Variants in DMRTA1 observed in about 807,000 individuals in gnomAD.
DMRTA1 encodes DMRT like family A1, also known as doublesex- and mab-3-related transcription factor A1.
A neutral mutation model predicts 35.2 loss-of-function variants in DMRTA1; 34 were observed. That is an observed-to-expected ratio of 0.97 (90% CI 0.74 to 1.29). The LOEUF (loss-of-function observed/expected upper bound fraction) is 1.29. DMRTA1 is among the 50% of genes most tolerant of loss of function. The probability of loss-of-function intolerance (pLI) is 0.00; values close to 1 mark genes in which losing one functional copy is unlikely to be tolerated. For synonymous variants in DMRTA1, 344 were observed against 276.6 expected (o/e 1.24, Z -2.42); for missense variants, 824 against 644.6 (o/e 1.28, Z -3.01).
Position 22,451,671 on chromosome 9 carries a change from C to T in DMRTA1, c.1275C>T (p.Leu425=). 1 of 1,614,120 alleles carries T rather than the reference C, an allele frequency of 6.2e-7. No homozygotes were observed. Among genetic ancestry groups the T allele is most frequent in the Non-Finnish European group, 8.5e-7 (1 of 1,179,954 alleles). Reference sequence around the variant, plus strand: ...CTTCTTATGGAGGTGATTCAAGTCTCTACGGCGTAAATCCTAGAGTAGGTA... The same window carrying T: ...CTTCTTATGGAGGTGATTCAAGTCTTTACGGCGTAAATCCTAGAGTAGGTA... ...TSASYGGDSS[L]YGVNPRVGIS... Residue 425 remains leucine (L), a synonymous_variant, in exon 2 of 2, where the codon CTC becomes CTT. Coordinates refer to ENST00000325870, the MANE Select transcript of DMRTA1 (RefSeq NM_022160.3).
intron 1 of DMRTA1, among the ~76,000 whole-genome samples, chr9:22,448,441 A>G (rs7850506): frequency 0.025 from 3,779 of 152,258 alleles, 166 homozygotes; most frequent in African/African-American, 0.086. Flanking sequence ...AAGAATTTCA[A>G]AGTTCAATAT....
rs759797418 is a variant in DMRTA1, at chr9:22,447,165, G to A, written c.100G>A (p.Ala34Thr). 6 of 1,601,184 alleles carry A rather than the reference G, an allele frequency of 3.7e-6. No homozygotes were observed. The highest frequency in any genetic ancestry group is 5.1e-6 in the Non-Finnish European group (6 of 1,175,280). Residue 34 changes from alanine to threonine, a missense_variant, in exon 1 of 2, where the codon GCG (alanine) becomes ACG (threonine). By Grantham distance (58) the Ala-to-Thr change is moderately conservative. Transcript: ENST00000325870. ...GGCTGCCCCTCCGCCCCCGTCCCCG[G>A]CGTTGCCGGTACCATCGGGGATGCA... ...VVAAPPPPSPALPVPSGMQVP... is the reference protein window; with the variant it reads ...VVAAPPPPSPTLPVPSGMQVP...
intron 1 of DMRTA1, among the ~76,000 whole-genome samples, 176 bp downstream of exon 1, chr9:22,447,908 C>T (rs560612): frequency 0.12 from 18,605 of 151,998 alleles, 1,871 homozygotes; most frequent in African/African-American, 0.28. Context: ...GACCCCATCG[C>T]CTTCACTTTG....
At chr9:22,449,607 G>A (rs1277960696) in intron 1 of DMRTA1, among the ~76,000 whole-genome samples, 1 of 152,118 alleles carries the variant, frequency 6.6e-6, no homozygotes, top group Non-Finnish European at 1.5e-5. Flanking sequence ...TACAAGTAAA[G>A]TGGAATGGAG....
chr9:22,450,495 G>GTT (rs199630332), intron 1 of DMRTA1, among the ~76,000 whole-genome samples: 1 of 151,424 alleles, frequency 6.6e-6, no homozygotes, highest in South Asian at 2.1e-4. Context: ...GAAATGAACA[G>GTT]TTTTTTTTTA....
rs1410784654 is a variant in DMRTA1 at position 22,453,114 on chromosome 9, T to C, written c.*1203T>C. On this transcript the variant is annotated 3_prime_UTR_variant, in exon 2 of 2. Coordinates refer to ENST00000325870, the MANE Select transcript of DMRTA1 (RefSeq NM_022160.3). ...AACAGTTTCTAGGACATTTTCTTTGTATGTCATCATTTTTCTTTTTTGAAG... is the reference window on the plus strand; with the variant it reads ...AACAGTTTCTAGGACATTTTCTTTGCATGTCATCATTTTTCTTTTTTGAAG... 4 of 152,274 alleles carry C rather than the reference T, an allele frequency of 2.6e-5. No homozygotes were observed. In the East Asian group the frequency reaches 7.7e-4, roughly 29 times the overall value. 9.4% of individuals were successfully genotyped at this position (152,274 alleles called of 1,614,324 possible).
In DMRTA1 at chr9:22,451,169, T is replaced by C. The variant is rs1203091475; in HGVS notation, c.773T>C (p.Ile258Thr). The C allele has an allele frequency of 1.4e-5, 22 of 1,614,070 alleles. No homozygotes were observed. The highest frequency in any genetic ancestry group is 1.8e-5 in the Non-Finnish European group (21 of 1,179,956). ...TCATCTTCTAGGTCTAATGGTGTCA[T>C]TGGGAAACAAAGTATCGGGTCATCT... is the stretch of plus-strand genomic sequence containing the variant. ...LGSSSRSNGV[I>T]GKQSIGSSIS... Residue 258 changes from isoleucine to threonine, a missense_variant, in exon 2 of 2, where the codon ATT becomes ACT. By Grantham distance (89) the Ile-to-Thr change is moderately conservative. Transcript: ENST00000325870.
In DMRTA1 at chr9:22,455,096, GAGTA is replaced by G. The variant is rs1473141413; in HGVS notation, c.*3186_*3189del. ...TTTTGCCTATGTGATAGCCTCCTGA[GAGTA>G]GGCAGAAAAGAAAGACATAGAACGC... is the stretch of plus-strand genomic sequence containing the variant. On this transcript the variant is annotated 3_prime_UTR_variant, in exon 2 of 2. Coordinates refer to ENST00000325870, the MANE Select transcript of DMRTA1 (RefSeq NM_022160.3). The G allele has an allele frequency of 1.3e-5, 2 of 152,186 alleles. No individual in the cohort carries two copies. Among genetic ancestry groups the G allele is most frequent in the African/African-American group, 2.4e-5 (1 of 41,446 alleles). The allele number at this position is 152,186 out of a possible 1,614,324, so 9.4% of individuals were successfully genotyped here.
Position 22,451,600 on chromosome 9 carries a change from A to G in DMRTA1, c.1204A>G (p.Thr402Ala), listed in dbSNP as rs767960409. The change falls in exon 2 of 2, where the codon ACT (threonine) becomes GCT (alanine). Residue 402 changes from threonine (T) to alanine (A), a missense_variant. Transcript: ENST00000325870. ...TAGTCTTGCTGGAATTGGTTTTGGA[A>G]CTCTAGGTAATAAATCAGCTTTCTC... Reference protein sequence around the residue: ...SFSLAGIGFGTLGNKSAFSPL... With the variant: ...SFSLAGIGFGALGNKSAFSPL... 65 of 1,613,818 alleles carry G rather than the reference A, an allele frequency of 4.0e-5. No individual in the cohort carries two copies. The highest frequency in any genetic ancestry group is 1.5e-4 in the Admixed American group (9 of 59,980).
Position 22,451,216 on chromosome 9 carries a change from C to T in DMRTA1, c.820C>T (p.Pro274Ser). 1 of 1,614,068 alleles carries T rather than the reference C, an allele frequency of 6.2e-7. No individual in the cohort carries two copies. Among genetic ancestry groups the T allele is most frequent in the Admixed American group, 1.7e-5 (1 of 60,012 alleles). ...ATCTATTTCAGAATACTCCAACAAG[C>T]CTGATAGTATCCTGTCTCCTCATCC... ...GSSISEYSNK[P>S]DSILSPHPGE... The change falls in exon 2 of 2, where the codon CCT becomes TCT. Residue 274 changes from proline (P) to serine (S), a missense_variant. By Grantham distance (74) the Pro-to-Ser change is moderately conservative (BLOSUM62 -1). Transcript: ENST00000325870.
chr9:22,450,147 G>A (rs904736611), intron 1 of DMRTA1, among the ~76,000 whole-genome samples: 5 of 152,102 alleles, frequency 3.3e-5, no homozygotes, highest in African/African-American at 1.2e-4. Context: ...AACATGTTGA[G>A]ATAGAAAAAC....
rs1818928274 is a variant in DMRTA1 at position 22,451,531 on chromosome 9, T to G, written c.1135T>G (p.Ser379Ala). ...HKPDNRNLAN[S>A]EELENTAFQR... ...GCCAGACAACAGGAACCTAGCAAACTCAGAAGAACTGGAAAACACAGCCTT... is the reference window on the plus strand; with the variant it reads ...GCCAGACAACAGGAACCTAGCAAACGCAGAAGAACTGGAAAACACAGCCTT... Residue 379 changes from serine (S) to alanine (A), a missense_variant, in exon 2 of 2, where the codon TCA becomes GCA. Transcript: ENST00000325870. 1 of 1,614,022 alleles carries G rather than the reference T, an allele frequency of 6.2e-7. No individual in the cohort carries two copies. The highest frequency in any genetic ancestry group is 1.3e-5 in the African/African-American group (1 of 74,904).
In DMRTA1 at chr9:22,451,634, A is replaced by G. The variant is rs1464474669; in HGVS notation, c.1238A>G (p.Gln413Arg). 1.2e-6 allele frequency: 2 copies of G among 1,613,970 alleles called. No homozygotes were observed. The highest frequency in any genetic ancestry group is 1.7e-6 in the Non-Finnish European group (2 of 1,179,958). The change falls in exon 2 of 2, where the codon CAA becomes CGA. Residue 413 changes from glutamine to arginine, a missense_variant. Coordinates refer to ENST00000325870, the MANE Select transcript of DMRTA1 (RefSeq NM_022160.3). ...AATAAATCAGCTTTCTCTCCTCTTCAAACTACTTCTGCTTCTTATGGAGGT... is the reference window on the plus strand; with the variant it reads ...AATAAATCAGCTTTCTCTCCTCTTCGAACTACTTCTGCTTCTTATGGAGGT... Reference protein sequence around the residue: ...LGNKSAFSPLQTTSASYGGDS... With the variant: ...LGNKSAFSPLRTTSASYGGDS...
chr9:22,447,485 G>C lies in DMRTA1; in HGVS notation c.420G>C (p.Val140=), dbSNP rs1271234955. 1.9e-6 allele frequency: 3 copies of C among 1,559,462 alleles called. No homozygotes were observed. The African/African-American group carries it at 4.1e-5, about 21-fold the overall frequency. The change falls in exon 1 of 2, where the codon GTG becomes GTC. Residue 140 remains valine, a synonymous_variant. Coordinates refer to ENST00000325870, the MANE Select transcript of DMRTA1 (RefSeq NM_022160.3). ...AERQRVMAAQ[V]ALRRQQAQEE... is the part of the protein sequence containing the mutation. The stretch of plus-strand genomic sequence containing the variant: ...GCCAGCGCGTCATGGCCGCCCAGGT[G>C]GCGCTGCGCAGGCAGCAGGCGCAGG...
chr9:22,449,789 A>G (rs1818898785), intron 1 of DMRTA1, among the ~76,000 whole-genome samples: 1 of 152,124 alleles, frequency 6.6e-6, no homozygotes. Context: ...TCAAAATGCT[A>G]AATTGTATAC....
At chr9:22,448,103 T>G (rs1444963635) in intron 1 of DMRTA1, among the ~76,000 whole-genome samples, 1 of 152,162 alleles carries the variant, frequency 6.6e-6, no homozygotes, top group Non-Finnish European at 1.5e-5. Flanking sequence ...AGGTGCTGTG[T>G]TTGAGTCTGC....
At chr9:22,449,762 G>T (rs572171015) in intron 1 of DMRTA1, among the ~76,000 whole-genome samples, 5 of 152,102 alleles carry the variant, frequency 3.3e-5, no homozygotes, top group African/African-American at 1.2e-4. Flanking sequence ...CAGCATATAG[G>T]AACAGCATTT....
chr9:22,451,830 TAG>T lies in DMRTA1; in HGVS notation c.1438_1439del (p.Asp480PhefsTer7), dbSNP rs746441472. On this transcript the variant is annotated frameshift_variant, in exon 2 of 2. Coordinates refer to ENST00000325870, the MANE Select transcript of DMRTA1 (RefSeq NM_022160.3). LOFTEE classifies it high-confidence loss of function. ...TGGATTATGCCTTTTCAGGGATGATTAGAGATTCTTCCTACCTTTCCAGTAAA... is the reference window on the plus strand; with the variant it reads ...TGGATTATGCCTTTTCAGGGATGATTAGATTCTTCCTACCTTTCCAGTAAA... The part of the protein sequence containing the change: ...ALDYAFSGMI[R>X]DSSYLSSKDS... 17 of 1,613,976 alleles carry T rather than the reference TAG, an allele frequency of 1.1e-5. No individual in the cohort carries two copies. The highest frequency in any genetic ancestry group is 1.4e-5 in the Non-Finnish European group (16 of 1,179,938).
chr9:22,447,203 G>A lies in DMRTA1; in HGVS notation c.138G>A (p.Ala46=). The part of the protein sequence containing the change: ...PVPSGMQVPP[A]FLRPPSLFLR... Reference sequence around the variant, plus strand: ...CATCGGGGATGCAGGTTCCCCCAGCGTTCCTGCGGCCGCCCAGCCTCTTTC... The same window carrying A: ...CATCGGGGATGCAGGTTCCCCCAGCATTCCTGCGGCCGCCCAGCCTCTTTC... The change falls in exon 1 of 2, where the codon GCG becomes GCA. Residue 46 remains alanine (A), a synonymous_variant. Coordinates refer to ENST00000325870, the MANE Select transcript of DMRTA1 (RefSeq NM_022160.3). The A allele has an allele frequency of 6.3e-7, 1 of 1,583,790 alleles. No homozygotes were observed. Among genetic ancestry groups the A allele is most frequent in the Non-Finnish European group, 8.6e-7 (1 of 1,168,364 alleles).
Sources: gnomAD v4.1 joint callset for allele counts (sites outside exome capture counted in the v4.1 genomes callset) on GRCh38, gnomAD v4.1.1 for gene constraint, MANE v1.5 for transcripts, NCBI Gene and HGNC (gene_info 2026-07-23, HGNC 2026-07-21) for gene names.